BANK1: variants seen among roughly 807,000 people sequenced by gnomAD.
BANK1 encodes B-cell scaffold protein with ankyrin repeats.
In BANK1, 95 loss-of-function variants were observed where a neutral mutation model predicts 94.5. The ratio of observed to expected loss-of-function variants is 1.00; its 90% CI spans 0.85 to 1.19. BANK1 has a LOEUF of 1.19. BANK1 is among the 50% of genes most tolerant of loss of function. The pLI is 0.00. For missense variants in BANK1, 987 were observed against 932.2 expected (o/e 1.06, Z -0.77); for synonymous variants, 334 against 308.4 (o/e 1.08, Z -0.87).
intron 1 of BANK1, among the ~76,000 whole-genome samples, chr4:101,801,824 C>T (rs1725364231): frequency 6.6e-6 from 1 of 152,178 alleles, no homozygotes; most frequent in African/African-American, 2.4e-5. Context: ...TCTTTTATCA[C>T]TTATTTGTTA....
chr4:101,997,391 C>G (rs1433000562), intron 7 of BANK1, among the ~76,000 whole-genome samples: 2 of 151,980 alleles, frequency 1.3e-5, no homozygotes, highest in Non-Finnish European at 2.9e-5. Context: ...CTGAAATTTT[C>G]TTTTTTTGTT....
intron 10 of BANK1, among the ~76,000 whole-genome samples, chr4:102,032,948 A>G (rs947227855): frequency 1.3e-5 from 2 of 152,252 alleles, no homozygotes; most frequent in East Asian, 3.9e-4. Context: ...CTACTTTTTA[A>G]CTTATGGACA....
chr4:101,846,090 C>T (rs1727232523), intron 2 of BANK1, among the ~76,000 whole-genome samples: 2 of 152,162 alleles, frequency 1.3e-5, no homozygotes, highest in East Asian at 1.9e-4. Flanking sequence ...TGTTCAATTC[C>T]CACCTATGAG....
chr4:102,054,335 A>G (rs1329323901), intron 11 of BANK1, among the ~76,000 whole-genome samples: 2 of 152,140 alleles, frequency 1.3e-5, no homozygotes, highest in Admixed American at 6.5e-5. Context: ...CTTTAACAGA[A>G]GCCTGAAACA....
chr4:102,025,095 TA>T, intron 8 of BANK1, 105 bp from the exon 9 acceptor site: 5 of 1,232,776 alleles, frequency 4.1e-6, no homozygotes, highest in Non-Finnish European at 5.7e-6. Flanking sequence ...TATCAGGTCA[TA>T]AAAGTTTTAT....
intron 5 of BANK1, among the ~76,000 whole-genome samples, chr4:101,889,684 T>G (rs1721778376): frequency 6.6e-6 from 1 of 151,878 alleles, no homozygotes; most frequent in Non-Finnish European, 1.5e-5. Flanking sequence ...AATTTTGAGT[T>G]CAGCTGTTAT....
At chr4:101,952,489 A>G (rs1198437927) in intron 7 of BANK1, among the ~76,000 whole-genome samples, 2 of 152,142 alleles carry the variant, frequency 1.3e-5, no homozygotes, top group Admixed American at 1.3e-4. Context: ...GCGAAAGGAC[A>G]TTTATATTTA....
At chr4:101,833,896 T>A (rs1026620450) in intron 2 of BANK1, among the ~76,000 whole-genome samples, 3 of 152,160 alleles carry the variant, frequency 2.0e-5, no homozygotes, top group Admixed American at 2.0e-4. Context: ...ATTCCTCAAG[T>A]ATATTAAACT....
intron 10 of BANK1, among the ~76,000 whole-genome samples, chr4:102,033,061 G>T (rs924525922): frequency 2.6e-5 from 4 of 152,042 alleles, no homozygotes; most frequent in African/African-American, 9.7e-5. Context: ...ACTTTTTCTA[G>T]AATACTCTTC....
chr4:101,964,930 A>T (rs1189998303), intron 7 of BANK1, among the ~76,000 whole-genome samples: 10 of 100,656 alleles, frequency 9.9e-5, no homozygotes, highest in African/African-American at 4.0e-4. Flanking sequence ...CCCGCCCCAC[A>T]ACAGTCCCCA....
chr4:101,870,707 G>A lies in BANK1; in HGVS notation c.903+63G>A, dbSNP rs17031750. ...GCTGAAGAGCTAATGAAGGATAAGA[G>A]GATTCATGCTTTGGTATAAGTTTGA... On this transcript the variant is annotated intron_variant, in intron 5 of 16. Transcript: ENST00000322953. The A allele has an allele frequency of 3.9e-3, 5,937 of 1,514,738 alleles. 226 individuals are homozygous for A. The African/African-American group carries it at 0.075, about 19-fold the overall frequency. The allele number at this position is 1,514,738 out of a possible 1,614,324, so 93.8% of individuals were successfully genotyped here. A position where few individuals can be genotyped will look rare whatever the true frequency, so the allele number is the denominator to read the frequency against.
At chr4:101,855,880 T>A (rs1727660406) in intron 3 of BANK1, among the ~76,000 whole-genome samples, 1 of 152,170 alleles carries the variant, frequency 6.6e-6, no homozygotes, top group South Asian at 2.1e-4. Context: ...CAGGTGACTG[T>A]GGGAATATAT....
Position 101,844,753 on chromosome 4 carries a change from A to G in BANK1, c.470-10282A>G, listed in dbSNP as rs192265296. ...GTGAGGATTAAATATGATTATGGAT[A>G]TAAATTTCTACATAGGGCATTTGAG... On this transcript the variant is annotated intron_variant, in intron 2 of 16. Transcript: ENST00000322953. Among the ~76,000 whole-genome samples the G allele has an allele frequency of 4.3e-3, 649 of 152,338 alleles. 7 individuals are homozygous for G. The highest frequency in any genetic ancestry group is 0.015 in the African/African-American group (637 of 41,580).
intron 2 of BANK1, among the ~76,000 whole-genome samples, chr4:101,843,332 A>G (rs1487370354): frequency 1.3e-5 from 2 of 152,192 alleles, no homozygotes; most frequent in Admixed American, 6.5e-5. Context: ...ATGGTGCCCC[A>G]TAGTGCCTTC....
intron 7 of BANK1, among the ~76,000 whole-genome samples, chr4:102,016,964 A>G (rs1334174191): frequency 6.6e-6 from 1 of 152,190 alleles, no homozygotes; most frequent in Non-Finnish European, 1.5e-5. Context: ...AGGGACAAAG[A>G]TGAAACCCAG....
intron 11 of BANK1, among the ~76,000 whole-genome samples, chr4:102,054,463 A>G (rs1471944470): frequency 6.6e-6 from 1 of 152,094 alleles, no homozygotes; most frequent in Non-Finnish European, 1.5e-5. Context: ...ATGGAATGAG[A>G]AAGAGCTTTG....
intron 12 of BANK1, chr4:102,062,566 TAAG>T (rs1728453011): frequency 1.3e-5 from 2 of 152,508 alleles, no homozygotes; most frequent in South Asian, 2.1e-4. Flanking sequence ...ACAGATGTGC[TAAG>T]AAGAGGAATC....
chr4:101,870,792 G>C (rs1190673775), intron 5 of BANK1, 148 bp downstream of exon 5: 1 of 931,086 alleles, frequency 1.1e-6, no homozygotes, highest in East Asian at 2.8e-5. Context: ...GGCAACCTCT[G>C]TTGTGCCAAA....
At chr4:101,909,238 T>C (rs1722573796) in intron 6 of BANK1, among the ~76,000 whole-genome samples, 1 of 152,188 alleles carries the variant, frequency 6.6e-6, no homozygotes, top group African/African-American at 2.4e-5. Flanking sequence ...TCATGTCCTT[T>C]GTAGGGACAT....
Sources: gnomAD v4.1 joint callset for allele counts (sites outside exome capture counted in the v4.1 genomes callset) on GRCh38, gnomAD v4.1.1 for gene constraint, MANE v1.5 for transcripts, NCBI Gene and HGNC (gene_info 2026-07-23, HGNC 2026-07-21) for gene names.